Variants in ERC2 observed in about 807,000 individuals in gnomAD.
ERC2 encodes ELKS/RAB6-interacting/CAST family member 2.
A neutral mutation model predicts 114.8 loss-of-function variants in ERC2; 42 were observed. That is an observed-to-expected ratio of 0.37 (90% CI 0.29 to 0.47). The LOEUF (loss-of-function observed/expected upper bound fraction) is 0.47, where lower values mean the gene tolerates loss of function less well. ERC2 is among the 20% of genes least tolerant of loss of function. The pLI, the probability that ERC2 is intolerant of heterozygous loss-of-function variation, is 0.99. For synonymous variants in ERC2, 454 were observed against 425.5 expected, an observed-to-expected ratio of 1.07 and a Z score of -0.82; for missense variants, 939 against 1,150.7, an observed-to-expected ratio of 0.82 and a Z score of 2.66.
chr3:55,722,140 G>C (rs2064600047), intron 15 of ERC2, among the ~76,000 whole-genome samples: 1 of 152,090 alleles, frequency 6.6e-6, no homozygotes, highest in Non-Finnish European at 1.5e-5. Flanking sequence ...AAGATCATTT[G>C]AATGAAGATT....
chr3:55,784,508 A>C (rs1207647948), intron 14 of ERC2, among the ~76,000 whole-genome samples: 1 of 152,194 alleles, frequency 6.6e-6, no homozygotes, highest in Non-Finnish European at 1.5e-5. Flanking sequence ...GTGACGTTGA[A>C]ATTCTTTATA....
intron 13 of ERC2, among the ~76,000 whole-genome samples, 177 bp downstream of exon 13, chr3:55,950,248 C>A (rs1243254859): frequency 6.6e-6 from 1 of 152,168 alleles, no homozygotes; most frequent in Non-Finnish European, 1.5e-5. Flanking sequence ...TCATGGCCAC[C>A]ATTCTGAAAA....
chr3:56,085,945 A>G (rs1336858312), intron 6 of ERC2, among the ~76,000 whole-genome samples: 1 of 152,178 alleles, frequency 6.6e-6, no homozygotes, highest in Non-Finnish European at 1.5e-5. Context: ...CTAATATCCA[A>G]ACTGTGATAT....
intron 17 of ERC2, among the ~76,000 whole-genome samples, chr3:55,670,514 G>A (rs982037038): frequency 6.6e-6 from 1 of 152,230 alleles, no homozygotes; most frequent in Non-Finnish European, 1.5e-5. Context: ...GGAATGCAAT[G>A]TGAGTCAGTG....
chr3:55,718,891 T>C (rs2064281771), intron 15 of ERC2, among the ~76,000 whole-genome samples: 1 of 152,248 alleles, frequency 6.6e-6, no homozygotes, highest in Non-Finnish European at 1.5e-5. Context: ...AAGAACATGT[T>C]CTCAGCTAAA....
chr3:56,460,294 C>T (rs1168481532), intron 1 of ERC2, among the ~76,000 whole-genome samples: 1 of 152,092 alleles, frequency 6.6e-6, no homozygotes, highest in African/African-American at 2.4e-5. Context: ...TTTCTACTTT[C>T]TCTAGTGATA....
chr3:55,858,370 T>A lies in ERC2; in HGVS notation c.2564+30019A>T, dbSNP rs577132723. Among the ~76,000 whole-genome samples the A allele has an allele frequency of 5.9e-5, 9 of 152,318 alleles. 1 individual carries two copies. Among genetic ancestry groups the A allele is most frequent in the South Asian group, 4.1e-4 (2 of 4,830 alleles). On this transcript the variant is annotated intron_variant, in intron 14 of 17. Transcript: ENST00000288221. ...AATGCTGGCAGGAGAAATGGATATATTAACTCTAAAATAAAAGCTCTTATT... is the reference window on the plus strand; with the variant it reads ...AATGCTGGCAGGAGAAATGGATATAATAACTCTAAAATAAAAGCTCTTATT...
At chr3:55,865,423 T>C (rs1321212305) in intron 14 of ERC2, among the ~76,000 whole-genome samples, 1 of 152,182 alleles carries the variant, frequency 6.6e-6, no homozygotes, top group African/African-American at 2.4e-5. Flanking sequence ...TCTTTGCAGA[T>C]TTCGGAGCAC....
intron 13 of ERC2, among the ~76,000 whole-genome samples, chr3:55,904,579 A>T (rs145658867): frequency 1.2e-4 from 19 of 152,274 alleles, no homozygotes; most frequent in African/African-American, 4.3e-4. Context: ...TTCCTTTTAC[A>T]ACTCTAGCAG....
chr3:55,739,551 A>T (rs2065855759), intron 14 of ERC2, among the ~76,000 whole-genome samples: 1 of 152,142 alleles, frequency 6.6e-6, no homozygotes, highest in Admixed American at 6.5e-5. Context: ...GGCTGCATAA[A>T]TGTCTGCTTT....
intron 2 of ERC2, among the ~76,000 whole-genome samples, chr3:56,350,934 A>G (rs1428439759): frequency 6.6e-6 from 1 of 152,106 alleles, no homozygotes; most frequent in African/African-American, 2.4e-5. Flanking sequence ...CTTTATGTAA[A>G]TTTTACAGGT....
At chr3:56,239,924 C>G (rs569541342) in intron 3 of ERC2, among the ~76,000 whole-genome samples, 2 of 152,182 alleles carry the variant, frequency 1.3e-5, no homozygotes, top group Non-Finnish European at 2.9e-5. Flanking sequence ...TCTAGAGTTA[C>G]ACAATATTTG....
At chr3:56,155,363 GAA>G (rs201714845) in intron 4 of ERC2, among the ~76,000 whole-genome samples, 35 of 74,976 alleles carry the variant, frequency 4.7e-4, no homozygotes, top group African/African-American at 1.5e-3. Context: ...TAAGGAAAAT[GAA>G]AAAAAAAAAA....
chr3:56,371,679 C>T (rs2059367955), intron 2 of ERC2, among the ~76,000 whole-genome samples: 1 of 152,218 alleles, frequency 6.6e-6, no homozygotes, highest in Admixed American at 6.5e-5. Flanking sequence ...CTCTCTACCC[C>T]ACCTCCCAAG....
At chr3:56,116,678 C>CTGGAA (rs2149843528) in intron 6 of ERC2, among the ~76,000 whole-genome samples, 1 of 152,330 alleles carries the variant, frequency 6.6e-6, no homozygotes, top group East Asian at 1.9e-4. Context: ...TGCCCTCAAC[C>CTGGAA]TGGAATGCCA....
intron 17 of ERC2, among the ~76,000 whole-genome samples, chr3:55,583,217 T>G (rs2057347400): frequency 6.6e-6 from 1 of 152,138 alleles, no homozygotes; most frequent in Non-Finnish European, 1.5e-5. Context: ...TGTCACATTC[T>G]TACCCACCAA....
chr3:56,127,446 G>C (rs946993580), intron 6 of ERC2, among the ~76,000 whole-genome samples: 4 of 152,166 alleles, frequency 2.6e-5, no homozygotes, highest in African/African-American at 9.7e-5. Context: ...AAACAAACCA[G>C]GCTGGCCGCA....
At position 55,728,129 on chromosome 3, in the gene ERC2, AT is replaced by A. The variant is rs2065034054; in HGVS notation, c.2712+6641del. Among the ~76,000 whole-genome samples the A allele has an allele frequency of 2.0e-5, 3 of 152,150 alleles. No individual in the cohort carries two copies. The South Asian group carries it at 6.2e-4, about 32-fold the overall frequency. Reference sequence around the variant, plus strand: ...TCATTCATTCATACATTCAACAAATATTTGCTGAATGCCTACTAGCATTCAG... The same window carrying A: ...TCATTCATTCATACATTCAACAAATATTGCTGAATGCCTACTAGCATTCAG... On this transcript the variant is annotated intron_variant, in intron 15 of 17. Coordinates refer to ENST00000288221, the MANE Select transcript of ERC2 (RefSeq NM_015576.3).
chr3:56,265,104 T>C (rs760730706), intron 3 of ERC2, among the ~76,000 whole-genome samples: 20 of 152,146 alleles, frequency 1.3e-4, no homozygotes, highest in Non-Finnish European at 2.5e-4. Context: ...AGAAAAATAG[T>C]TCTATGATTC....
Sources: allele counts gnomAD v4.1 joint callset (sites outside exome capture counted in the v4.1 genomes callset), GRCh38; gene constraint gnomAD v4.1.1; transcripts MANE v1.5; gene names NCBI Gene and HGNC (gene_info 2026-07-23, HGNC 2026-07-21).